PUM3: variants seen among roughly 807,000 people sequenced by gnomAD.
PUM3 encodes the protein pumilio RNA binding family member 3.
In PUM3, 91 loss-of-function variants were observed where a neutral mutation model predicts 84.0. The observed-to-expected ratio is 1.08, with a 90% confidence interval of 0.91 to 1.29. PUM3 has a LOEUF of 1.29. PUM3 is among the 50% of genes most tolerant of loss of function. The probability of loss-of-function intolerance (pLI) is 0.00; values close to 1 mark genes in which losing one functional copy is unlikely to be tolerated. For missense variants in PUM3, 1,067 were observed against 767.5 expected, an observed-to-expected ratio of 1.39 and a Z score of -4.61; for synonymous variants, 321 against 266.7, an observed-to-expected ratio of 1.20 and a Z score of -1.98.
At chr9:2,830,912 T>C (rs747574972) in intron 7 of PUM3, 50 bp downstream of exon 7, 4 of 939,814 alleles carry the variant, frequency 4.3e-6, no homozygotes, top group Non-Finnish European at 3.4e-6. Flanking sequence ...TTGGAAACCA[T>C]GTCTTCAAAA....
intron 14 of PUM3, 46 bp from the exon 15 acceptor site, chr9:2,811,629 AG>A (rs756665837): frequency 3.5e-5 from 50 of 1,436,972 alleles, no homozygotes; most frequent in African/African-American, 5.6e-5. Context: ...TAAATCGCAA[AG>A]GAAATGTGGT....
At chr9:2,812,118 A>T in intron 14 of PUM3, 102 bp downstream of exon 14, 1 of 908,860 alleles carries the variant, frequency 1.1e-6, no homozygotes, top group Non-Finnish European at 1.7e-6. Context: ...CCTTTTCAGC[A>T]GTTTTAGAGA....
intron 14 of PUM3, among the ~76,000 whole-genome samples, chr9:2,811,938 A>G (rs1821384167): frequency 6.6e-6 from 1 of 152,126 alleles, no homozygotes; most frequent in Admixed American, 6.5e-5. Flanking sequence ...GTACTCAAAT[A>G]TGTGGTATCG....
At chr9:2,835,699 G>A (rs1406441668) in intron 3 of PUM3, among the ~76,000 whole-genome samples, 1 of 151,996 alleles carries the variant, frequency 6.6e-6, no homozygotes, top group Non-Finnish European at 1.5e-5. Context: ...TAAATATTTG[G>A]GTACCCTTGA....
chr9:2,824,378 C>T (rs115814277), intron 11 of PUM3, among the ~76,000 whole-genome samples: 2,281 of 152,228 alleles, frequency 0.015, 52 homozygotes, highest in African/African-American at 0.052. Flanking sequence ...GTTATCTCTT[C>T]CCATTTTCCC....
intron 17 of PUM3, among the ~76,000 whole-genome samples, chr9:2,805,714 T>C (rs927483922): frequency 2.0e-5 from 3 of 152,176 alleles, no homozygotes; most frequent in Non-Finnish European, 4.4e-5. Context: ...ATATGCCACA[T>C]ATTAGACATA....
Position 2,813,394 on chromosome 9 carries a change from A to G in PUM3, c.1270-1032T>C, listed in dbSNP as rs1200461380. On this transcript the variant is annotated intron_variant, in intron 13 of 17. Transcript: ENST00000397885. ...TTGTAACAAACTTTATAAATATTCA[A>G]TGCATGTTTGAGCACCCCATATTCT... Among the ~76,000 whole-genome samples, 3 of 152,296 alleles carry G rather than the reference A, an allele frequency of 2.0e-5. No homozygotes were observed. In the East Asian group the frequency reaches 5.8e-4, roughly 29 times the overall value.
In PUM3 at chr9:2,805,787, A is replaced by G. The variant is rs115692552; in HGVS notation, c.1815-1324T>C. Among the ~76,000 whole-genome samples the G allele has an allele frequency of 9.7e-3, 1,470 of 152,076 alleles. 19 individuals carry two copies. The highest frequency in any genetic ancestry group is 0.048 in the Middle Eastern group (14 of 294). On this transcript the variant is annotated intron_variant, in intron 17 of 17. Coordinates refer to ENST00000397885, the MANE Select transcript of PUM3 (RefSeq NM_014878.5). ...TCATAACGACCATAGGGTTATCATT[A>G]ATCTCATTTTTTTTACCACCAAGAA... is the stretch of plus-strand genomic sequence containing the variant.
chr9:2,820,212 A>C (rs991459935), intron 12 of PUM3, 114 bp from the exon 13 acceptor site: 1 of 542,810 alleles, frequency 1.8e-6, no homozygotes, highest in Non-Finnish European at 3.2e-6. Context: ...AAAAAAAAAA[A>C]AAAAAAAAGA....
At chr9:2,820,639 C>T (rs1821570539) in intron 12 of PUM3, among the ~76,000 whole-genome samples, 2 of 151,990 alleles carry the variant, frequency 1.3e-5, no homozygotes, top group Admixed American at 6.6e-5. Flanking sequence ...TTTTAATTTT[C>T]TTTTCTATAT....
intron 2 of PUM3, among the ~76,000 whole-genome samples, chr9:2,837,617 G>C (rs1366620749): frequency 2.6e-5 from 4 of 152,006 alleles, no homozygotes; most frequent in African/African-American, 7.2e-5. Context: ...CTAGAGAGTA[G>C]AGAAATGTAA....
rs1436896068 is a variant in PUM3 at position 2,837,410 on chromosome 9, A to T, written c.83-9T>A. 1.3e-6 allele frequency: 2 copies of T among 1,553,204 alleles called. No individual in the cohort carries two copies. Among genetic ancestry groups the T allele is most frequent in the Non-Finnish European group, 1.8e-6 (2 of 1,128,406 alleles). ...CTTTGAAGAACCAGAATCTAGTGACAATAATAATTATAAGTTCAATGATTC... is the reference window on the plus strand; with the variant it reads ...CTTTGAAGAACCAGAATCTAGTGACTATAATAATTATAAGTTCAATGATTC... On this transcript the variant is annotated splice_polypyrimidine_tract_variant and intron_variant, in intron 2 of 17. Coordinates refer to ENST00000397885, the MANE Select transcript of PUM3 (RefSeq NM_014878.5).
intron 16 of PUM3, among the ~76,000 whole-genome samples, chr9:2,809,540 T>C (rs1586716488): frequency 6.6e-6 from 1 of 152,214 alleles, no homozygotes; most frequent in East Asian, 1.9e-4. Flanking sequence ...ACTGCTATAC[T>C]GATTGCCACA....
chr9:2,826,974 T>C, intron 10 of PUM3, 99 bp downstream of exon 10: 1 of 878,674 alleles, frequency 1.1e-6, no homozygotes, highest in Non-Finnish European at 1.8e-6. Flanking sequence ...GAAGCAACTC[T>C]AAAATTTCCA....
intron 1 of PUM3, among the ~76,000 whole-genome samples, chr9:2,843,024 T>C (rs1377923793): frequency 6.6e-6 from 1 of 152,154 alleles, no homozygotes; most frequent in Non-Finnish European, 1.5e-5. Flanking sequence ...ATGCAAACTA[T>C]TACCAATACA....
intron 12 of PUM3, among the ~76,000 whole-genome samples, chr9:2,821,443 C>CAAAAAAAAAAAAAAAAAAAAAAAAAA (rs572752267): frequency 2.4e-4 from 12 of 50,122 alleles, no homozygotes; most frequent in Admixed American, 5.2e-4. Flanking sequence ...GACTCTGTCT[C>CAAAAAAAAAAAAAAAAAAAAAAAAAA]AAAAAAAAAA....
intron 9 of PUM3, among the ~76,000 whole-genome samples, chr9:2,827,855 T>C (rs1325625333): frequency 6.6e-6 from 1 of 152,148 alleles, no homozygotes; most frequent in African/African-American, 2.4e-5. Context: ...TTTACAAATA[T>C]GGTAATTGAG....
At position 2,837,409 on chromosome 9, in the gene PUM3, C is replaced by T. The variant is rs1816157486; in HGVS notation, c.83-8G>A. ...TCTTTGAAGAACCAGAATCTAGTGA[C>T]AATAATAATTATAAGTTCAATGATT... On this transcript the variant is annotated splice_region_variant and splice_polypyrimidine_tract_variant and intron_variant, in intron 2 of 17. Coordinates refer to ENST00000397885, the MANE Select transcript of PUM3 (RefSeq NM_014878.5). 6.4e-7 allele frequency: 1 copy of T among 1,559,274 alleles called. No individual in the cohort carries two copies. Among genetic ancestry groups the T allele is most frequent in the South Asian group, 1.1e-5 (1 of 88,532 alleles).
At chr9:2,837,121 A>C in intron 3 of PUM3, 59 bp downstream of exon 3, 1 of 1,431,388 alleles carries the variant, frequency 7.0e-7, no homozygotes, top group Non-Finnish European at 9.8e-7. Context: ...ACGCACCTCC[A>C]GAGTCCCTGT....
Sources: gnomAD v4.1 joint callset for allele counts (sites outside exome capture counted in the v4.1 genomes callset) on GRCh38, gnomAD v4.1.1 for gene constraint, MANE v1.5 for transcripts, NCBI Gene and HGNC (gene_info 2026-07-23, HGNC 2026-07-21) for gene names.